Variants in CNTNAP3B observed in about 807,000 individuals in gnomAD.
CNTNAP3B encodes the protein contactin-associated protein-like 3B.
CNTNAP3B carries 25 observed loss-of-function variants against 108.9 expected under a neutral mutation model. That is an observed-to-expected ratio of 0.23 (90% CI 0.17 to 0.32). CNTNAP3B has a LOEUF of 0.32. Among genes scored for constraint, CNTNAP3B ranks in the 10% least tolerant of loss-of-function variants. The pLI is 1.00. For missense variants in CNTNAP3B, 252 were observed against 1,210.4 expected, an observed-to-expected ratio of 0.21 and a Z score of 11.75; for synonymous variants, 103 against 473.4, an observed-to-expected ratio of 0.22 and a Z score of 10.16.
intron 15 of CNTNAP3B, among the ~76,000 whole-genome samples, chr9:41,925,454 A>T: frequency 6.7e-6 from 1 of 149,682 alleles, no homozygotes; most frequent in South Asian, 2.1e-4. Flanking sequence ...TTAGCCAGGC[A>T]TGGTGGTGGG....
intron 13 of CNTNAP3B, among the ~76,000 whole-genome samples, chr9:41,940,954 G>GAA (rs200510615): frequency 6.6e-6 from 1 of 151,998 alleles, no homozygotes; most frequent in Non-Finnish European, 1.5e-5. Context: ...GGAACATCAG[G>GAA]AAAAAAATGA....
chr9:41,950,784 G>A (rs1178301672), intron 13 of CNTNAP3B, among the ~76,000 whole-genome samples: 12 of 128,190 alleles, frequency 9.4e-5, no homozygotes, highest in African/African-American at 2.9e-4. Context: ...GAGACGGAAC[G>A]GAGTCTTGCT....
intron 9 of CNTNAP3B, among the ~76,000 whole-genome samples, chr9:41,970,782 AT>A (rs1280582912): frequency 1.5e-5 from 2 of 134,080 alleles, no homozygotes; most frequent in Non-Finnish European, 3.1e-5. Flanking sequence ...TTAAAAACGT[AT>A]TTTTTTATAC....
At position 42,122,123 on chromosome 9, in the gene CNTNAP3B, C is replaced by A. The variant is rs1230918598; in HGVS notation, c.85+6887G>T. On this transcript the variant is annotated intron_variant, in intron 1 of 23. Coordinates refer to ENST00000377561, the MANE Select transcript of CNTNAP3B (RefSeq NM_001201380.3). ...GCAGGCTTTGCTTGCCCTTTGGCAA[C>A]ACTGCTGAAATAAATCTCTTATAGT... Among the ~76,000 whole-genome samples the A allele has an allele frequency of 1.4e-5, 2 of 139,498 alleles. 1 individual carries two copies. The highest frequency in any genetic ancestry group is 3.1e-5 in the Non-Finnish European group (2 of 65,056). The allele number at this position is 139,498 out of a possible 152,430, so 91.5% of individuals were successfully genotyped here. A position where few individuals can be genotyped will look rare whatever the true frequency, so the allele number is the denominator to read the frequency against.
chr9:42,056,664 T>C (rs1428096959), intron 3 of CNTNAP3B, among the ~76,000 whole-genome samples: 1 of 138,256 alleles, frequency 7.2e-6, no homozygotes, highest in Non-Finnish European at 1.5e-5. Context: ...CTCATAAATT[T>C]ATATACTATT....
chr9:41,940,520 G>A (rs1259754583), intron 13 of CNTNAP3B, among the ~76,000 whole-genome samples: 1 of 152,142 alleles, frequency 6.6e-6, no homozygotes, highest in African/African-American at 2.4e-5. Context: ...GAATAAAAAT[G>A]GAAATAAAAT....
chr9:41,942,954 C>T (rs1230948786), intron 13 of CNTNAP3B, among the ~76,000 whole-genome samples: 4 of 152,228 alleles, frequency 2.6e-5, no homozygotes, highest in African/African-American at 9.7e-5. Context: ...TGGCTTTCAA[C>T]AGAAAATTGC....
At chr9:42,066,388 CA>C (rs376475436) in intron 3 of CNTNAP3B, among the ~76,000 whole-genome samples, 2 of 91,868 alleles carry the variant, frequency 2.2e-5, no homozygotes, top group Non-Finnish European at 4.3e-5. Context: ...AATTAATTTC[CA>C]AAAAAAAGTA....
intron 3 of CNTNAP3B, among the ~76,000 whole-genome samples, chr9:42,051,928 G>T (rs1826971618): frequency 1.3e-5 from 2 of 152,044 alleles, no homozygotes; most frequent in South Asian, 4.1e-4. Context: ...GCTCCCTTGG[G>T]AACTCTTTCA....
At chr9:41,938,730 C>A (rs1290560563) in intron 13 of CNTNAP3B, among the ~76,000 whole-genome samples, 1 of 152,246 alleles carries the variant, frequency 6.6e-6, no homozygotes, top group Non-Finnish European at 1.5e-5. Flanking sequence ...GTAATTTGCA[C>A]ACTAAAGATA....
At chr9:42,112,286 G>T (rs1291723099) in intron 1 of CNTNAP3B, among the ~76,000 whole-genome samples, 2 of 139,538 alleles carry the variant, frequency 1.4e-5, no homozygotes, top group African/African-American at 2.8e-5. Context: ...GAAGGCCCCA[G>T]TAAGGCTTAC....
At chr9:42,030,833 A>AGAGAGAGG (rs1826512148) in intron 3 of CNTNAP3B, among the ~76,000 whole-genome samples, 1 of 125,866 alleles carries the variant, frequency 7.9e-6, no homozygotes, top group Non-Finnish European at 1.7e-5. Context: ...AGAGAGAGAG[A>AGAGAGAGG]GAGAGAGAGA....
intron 7 of CNTNAP3B, among the ~76,000 whole-genome samples, chr9:41,995,725 C>A: frequency 1.1e-5 from 1 of 88,746 alleles, no homozygotes; most frequent in African/African-American, 4.8e-5. Context: ...AGTGAGACTC[C>A]GTCTCAAAAA....
At chr9:41,974,085 T>C (rs1587166166) in intron 9 of CNTNAP3B, among the ~76,000 whole-genome samples, 2 of 104,580 alleles carry the variant, frequency 1.9e-5, no homozygotes, top group South Asian at 6.6e-4. Context: ...CCTCAGATGA[T>C]CCACCCACCT....
chr9:41,931,006 C>G (rs1266032576), intron 14 of CNTNAP3B, among the ~76,000 whole-genome samples: 2 of 152,242 alleles, frequency 1.3e-5, no homozygotes, highest in Admixed American at 6.5e-5. Flanking sequence ...GATTTACAGA[C>G]AAAACACTCT....
At chr9:42,036,073 A>G (rs1168676762) in intron 3 of CNTNAP3B, among the ~76,000 whole-genome samples, 1 of 149,596 alleles carries the variant, frequency 6.7e-6, no homozygotes, top group Admixed American at 6.7e-5. Flanking sequence ...GCACCACTGC[A>G]CTCCAGCCTG....
intron 15 of CNTNAP3B, among the ~76,000 whole-genome samples, chr9:41,925,563 A>T (rs1482690320): frequency 1.3e-5 from 2 of 152,210 alleles, no homozygotes; most frequent in Admixed American, 6.5e-5. Flanking sequence ...ACTGCACTCC[A>T]GCCTGCGCAA....
At chr9:42,018,813 C>T (rs1463749710) in intron 3 of CNTNAP3B, among the ~76,000 whole-genome samples, 2 of 151,894 alleles carry the variant, frequency 1.3e-5, no homozygotes, top group Non-Finnish European at 2.9e-5. Context: ...GGGCAAGATA[C>T]TCAACCATGC....
chr9:41,962,911 T>C (rs1181723885), intron 11 of CNTNAP3B, among the ~76,000 whole-genome samples: 2 of 151,674 alleles, frequency 1.3e-5, no homozygotes, highest in Non-Finnish European at 2.9e-5. Context: ...GCTGAGATCA[T>C]GACACTGGGC....
Sources: allele counts gnomAD v4.1 joint callset (sites outside exome capture counted in the v4.1 genomes callset), GRCh38; gene constraint gnomAD v4.1.1; transcripts MANE v1.5; gene names NCBI Gene and HGNC (gene_info 2026-07-23, HGNC 2026-07-21).